FAM91A1: variants seen among roughly 807,000 people sequenced by gnomAD.
FAM91A1 encodes the protein protein FAM91A1.
A neutral mutation model predicts 113.5 loss-of-function variants in FAM91A1; 41 were observed. The ratio of observed to expected loss-of-function variants is 0.36; its 90% CI spans 0.28 to 0.47. FAM91A1 has a LOEUF of 0.47. Among genes scored for constraint, FAM91A1 ranks in the 20% least tolerant of loss-of-function variants. The probability of loss-of-function intolerance (pLI) is 1.00; values close to 1 mark genes in which losing one functional copy is unlikely to be tolerated. For synonymous variants in FAM91A1, 307 were observed against 347.9 expected, an observed-to-expected ratio of 0.88 and a Z score of 1.31; for missense variants, 696 against 1,001.2, an observed-to-expected ratio of 0.70 and a Z score of 4.11.
At chr8:123,809,186 A>C (rs1229083308) in intron 22 of FAM91A1, among the ~76,000 whole-genome samples, 170 bp downstream of exon 22, 1 of 152,232 alleles carries the variant, frequency 6.6e-6, no homozygotes, top group Admixed American at 6.5e-5. Flanking sequence ...TTTCAAAATT[A>C]AATTTCACTA....
chr8:123,803,649 A>G (rs895494554), intron 18 of FAM91A1, among the ~76,000 whole-genome samples: 1 of 152,216 alleles, frequency 6.6e-6, no homozygotes, highest in Non-Finnish European at 1.5e-5. Flanking sequence ...TGCTTTTGCT[A>G]AAGAAAAATG....
At position 123,785,880 on chromosome 8, in the gene FAM91A1, C is replaced by T. The variant is rs974579871; in HGVS notation, c.962+139C>T. On this transcript the variant is annotated intron_variant, in intron 11 of 23. Transcript: ENST00000334705. The stretch of plus-strand genomic sequence containing the variant: ...TCATCCAGGCTGGAGTGCGGTGGCG[C>T]GATCTCGGCTCACTGCAACCTCCAC... 1.5e-5 allele frequency: 8 copies of T among 538,290 alleles called. No individual in the cohort carries two copies. The East Asian group carries it at 2.7e-4, about 18-fold the overall frequency. The allele number at this position is 538,290 out of a possible 1,614,324, so 33.3% of individuals were successfully genotyped here. A position where few individuals can be genotyped will look rare whatever the true frequency, so the allele number is the denominator to read the frequency against.
Position 123,779,223 on chromosome 8 carries a change from T to C in FAM91A1, c.549+451T>C, listed in dbSNP as rs148812147. Among the ~76,000 whole-genome samples, 322 of 152,328 alleles carry C rather than the reference T, an allele frequency of 2.1e-3. 2 individuals carry two copies. The highest frequency in any genetic ancestry group is 6.8e-3 in the Middle Eastern group (2 of 294). ...GGAAAGTGAGCACAGAACAATTAAG[T>C]AACAGCTCATGTCTTAGTGGTAGTA... is the stretch of plus-strand genomic sequence containing the variant. On this transcript the variant is annotated intron_variant, in intron 6 of 23. Coordinates refer to ENST00000334705, the MANE Select transcript of FAM91A1 (RefSeq NM_144963.4).
At chr8:123,795,938 A>G (rs886404627) in intron 15 of FAM91A1, among the ~76,000 whole-genome samples, 14 of 152,196 alleles carry the variant, frequency 9.2e-5, no homozygotes, top group African/African-American at 3.4e-4. Context: ...TTGGCTATAC[A>G]GCAGAAGGGC....
chr8:123,805,443 A>G (rs1815780175), intron 19 of FAM91A1, 104 bp downstream of exon 19: 1 of 965,518 alleles, frequency 1.0e-6, no homozygotes, highest in Non-Finnish European at 1.5e-6. Context: ...TGAAATTTTT[A>G]AGTTCTAGGT....
intron 18 of FAM91A1, among the ~76,000 whole-genome samples, chr8:123,804,162 A>G (rs1041387602): frequency 5.9e-5 from 9 of 152,164 alleles, no homozygotes; most frequent in Admixed American, 2.0e-4. Context: ...CTAATAGTAC[A>G]TTCACATGAT....
In FAM91A1 at chr8:123,814,828, C is replaced by A. The variant is rs1816036129; in HGVS notation, c.*2124C>A. Reference sequence around the variant, plus strand: ...AACTCATGTAATCTCTTAAATCTTACAAGCATTGATCCATTTCAACAAAAA... The same window carrying A: ...AACTCATGTAATCTCTTAAATCTTAAAAGCATTGATCCATTTCAACAAAAA... On this transcript the variant is annotated 3_prime_UTR_variant, in exon 24 of 24. Coordinates refer to ENST00000334705, the MANE Select transcript of FAM91A1 (RefSeq NM_144963.4). The A allele has an allele frequency of 6.6e-6, 1 of 152,652 alleles. No individual in the cohort carries two copies. Among genetic ancestry groups the A allele is most frequent in the African/African-American group, 2.4e-5 (1 of 41,450 alleles). The allele number at this position is 152,652 out of a possible 1,614,324, so 9.5% of individuals were successfully genotyped here. A position where few individuals can be genotyped will look rare whatever the true frequency, so the allele number is the denominator to read the frequency against.
At chr8:123,778,983 G>A (rs1815053776) in intron 6 of FAM91A1, among the ~76,000 whole-genome samples, 1 of 152,150 alleles carries the variant, frequency 6.6e-6, no homozygotes, top group South Asian at 2.1e-4. Context: ...CTTGGTTCAA[G>A]TACAGTTATC....
At chr8:123,805,076 T>C (rs1815770935) in intron 18 of FAM91A1, among the ~76,000 whole-genome samples, 191 bp from the exon 19 acceptor site, 1 of 152,236 alleles carries the variant, frequency 6.6e-6, no homozygotes, top group African/African-American at 2.4e-5. Flanking sequence ...TTGAGAAACA[T>C]TGCCTTATAG....
chr8:123,791,365 T>C (rs976843395), intron 15 of FAM91A1, among the ~76,000 whole-genome samples: 4 of 152,086 alleles, frequency 2.6e-5, no homozygotes, highest in African/African-American at 9.7e-5. Context: ...CATTTACCCA[T>C]AAACATTTGT....
intron 19 of FAM91A1, 47 bp from the exon 20 acceptor site, chr8:123,806,033 G>T (rs760698125): frequency 1.4e-6 from 2 of 1,463,710 alleles, no homozygotes; most frequent in African/African-American, 2.8e-5. Flanking sequence ...TGTTGGCGTT[G>T]TGTTATTAGA....
intron 18 of FAM91A1, among the ~76,000 whole-genome samples, chr8:123,803,964 G>A (rs137981048): frequency 7.4e-4 from 112 of 152,244 alleles, no homozygotes; most frequent in African/African-American, 2.6e-3. Flanking sequence ...ATAATGTTAA[G>A]TTCTTCATGC....
At chr8:123,779,900 TG>T in intron 6 of FAM91A1, 84 bp from the exon 7 acceptor site, 4 of 1,086,122 alleles carry the variant, frequency 3.7e-6, no homozygotes, top group Non-Finnish European at 4.1e-6. Context: ...ATGTAATCAC[TG>T]GTTTCAACAT....
rs1211631562 is a variant in FAM91A1, at chr8:123,812,911, C to T, written c.*207C>T. ...CGACAAAGTGCTTTTTAGCAGCCAGCACTGTATTTTTTACCTTGAGACAAT... is the reference window on the plus strand; with the variant it reads ...CGACAAAGTGCTTTTTAGCAGCCAGTACTGTATTTTTTACCTTGAGACAAT... On this transcript the variant is annotated 3_prime_UTR_variant, in exon 24 of 24. Coordinates refer to ENST00000334705, the MANE Select transcript of FAM91A1 (RefSeq NM_144963.4). The T allele has an allele frequency of 2.3e-6, 1 of 427,282 alleles. No homozygotes were observed. Among genetic ancestry groups the T allele is most frequent in the Non-Finnish European group, 4.1e-6 (1 of 241,846 alleles). The allele number at this position is 427,282 out of a possible 1,614,324, so 26.5% of individuals were successfully genotyped here. A position where few individuals can be genotyped will look rare whatever the true frequency, so the allele number is the denominator to read the frequency against.
chr8:123,779,437 G>A (rs902649734), intron 6 of FAM91A1, among the ~76,000 whole-genome samples: 25 of 152,158 alleles, frequency 1.6e-4, no homozygotes, highest in Admixed American at 7.2e-4. Context: ...GAGTAATGAG[G>A]GCACCTAGAG....
chr8:123,812,178 GTAAGTTTTTTTTTTTTT>G (rs1815972431), intron 23 of FAM91A1: 1 of 161,158 alleles, frequency 6.2e-6, no homozygotes, highest in Non-Finnish European at 1.3e-5. Flanking sequence ...CCTGGCCTTT[GTAAGTTTTTTTTTTTTT>G]TTAGAGATTT....
At chr8:123,804,727 T>C (rs906667411) in intron 18 of FAM91A1, among the ~76,000 whole-genome samples, 6 of 152,186 alleles carry the variant, frequency 3.9e-5, no homozygotes, top group African/African-American at 1.2e-4. Flanking sequence ...AGGTCATAGC[T>C]TTCTTTCATT....
chr8:123,792,717 TA>T (rs769544997), intron 15 of FAM91A1, among the ~76,000 whole-genome samples: 79 of 152,330 alleles, frequency 5.2e-4, no homozygotes, highest in Non-Finnish European at 6.9e-4. Context: ...TTGACATTGA[TA>T]ATGTTGAATT....
intron 19 of FAM91A1, 40 bp downstream of exon 19, chr8:123,805,379 T>A (rs761387118): frequency 1.4e-4 from 181 of 1,293,612 alleles, no homozygotes; most frequent in African/African-American, 7.4e-4. Context: ...TTTTTTTTTT[T>A]AATTATTACT....
Sources: allele counts gnomAD v4.1 joint callset (sites outside exome capture counted in the v4.1 genomes callset), GRCh38; gene constraint gnomAD v4.1.1; transcripts MANE v1.5; gene names NCBI Gene and HGNC (gene_info 2026-07-23, HGNC 2026-07-21).